The following NFKBID variants were observed in gnomAD, a reference collection of about 807,000 sequenced individuals.
The protein encoded by NFKBID is NF-kappa-B inhibitor delta.
Under a neutral mutation model 53.4 loss-of-function variants are expected in NFKBID, and 26 were observed. The ratio of observed to expected loss-of-function variants is 0.49; its 90% CI spans 0.36 to 0.68. NFKBID has a LOEUF of 0.68. Ranked by LOEUF, NFKBID falls within the 30% of genes least tolerant of loss-of-function variation. The pLI is 0.00. For synonymous variants in NFKBID, 262 were observed against 259.8 expected, an observed-to-expected ratio of 1.01 and a Z score of -0.08; for missense variants, 493 against 614.1, an observed-to-expected ratio of 0.80 and a Z score of 2.08.
intron 9 of NFKBID, 56 bp downstream of exon 9, chr19:35,895,924 A>T: frequency 1.3e-6 from 2 of 1,551,186 alleles, no homozygotes; most frequent in Non-Finnish European, 1.8e-6. Context: ...CCGGACATCC[A>T]AGTGGCCCCA....
intron 1 of NFKBID, 111 bp downstream of exon 1, chr19:35,900,331 C>T: frequency 1.2e-6 from 1 of 852,900 alleles, no homozygotes; most frequent in Non-Finnish European, 1.6e-6. Context: ...CCCTCACTCT[C>T]GGGATAAAGG....
chr19:35,889,313 G>GCC (rs1327209840), intron 11 of NFKBID, among the ~76,000 whole-genome samples: 2 of 150,102 alleles, frequency 1.3e-5, no homozygotes, highest in African/African-American at 4.9e-5. Flanking sequence ...CTATGATCAT[G>GCC]CCACTGCACT....
intron 3 of NFKBID, 96 bp downstream of exon 3, chr19:35,898,376 G>A: frequency 4.0e-6 from 3 of 756,264 alleles, no homozygotes; most frequent in Non-Finnish European, 2.2e-6. Flanking sequence ...GGAAGAATGA[G>A]GGCCTGACTC....
At chr19:35,893,818 C>CAA (rs879299060) in intron 9 of NFKBID, among the ~76,000 whole-genome samples, 4 of 86,502 alleles carry the variant, frequency 4.6e-5, no homozygotes, top group East Asian at 3.3e-4. Flanking sequence ...AGAGCCATCT[C>CAA]AAAAAAAAAA....
At chr19:35,902,194 T>C (rs1290099458), upstream of NFKBID, 2 of 703,028 alleles carry the variant, frequency 2.8e-6, no homozygotes, top group East Asian at 2.7e-5. Flanking sequence ...CTTCCCTACC[T>C]TTCATCTCTG....
intron 9 of NFKBID, among the ~76,000 whole-genome samples, chr19:35,890,956 ACAC>A (rs1568485991): frequency 1.3e-5 from 2 of 152,130 alleles, no homozygotes; most frequent in South Asian, 2.1e-4. Context: ...GCACCGCACA[ACAC>A]CACGTCTCAG....
chr19:35,897,159 G>A (rs1975234701), intron 4 of NFKBID, 101 bp from the exon 5 acceptor site: 2 of 1,244,600 alleles, frequency 1.6e-6, no homozygotes, highest in African/African-American at 3.0e-5. Context: ...TCCATCCCAA[G>A]CCACCACACA....
At chr19:35,892,673 C>T (rs1974857091) in intron 9 of NFKBID, among the ~76,000 whole-genome samples, 1 of 152,048 alleles carries the variant, frequency 6.6e-6, no homozygotes, top group Non-Finnish European at 1.5e-5. Flanking sequence ...ATGTAATTTC[C>T]TCAGAATGAC....
chr19:35,900,297 C>T lies in NFKBID; in HGVS notation c.61+145G>A, dbSNP rs534333660. ...CGCCCCTCTGTCACGATCCACGATC[C>T]CCTCCTCCTCCAAACACCTAGGGCC... is the stretch of plus-strand genomic sequence containing the variant. On this transcript the variant is annotated intron_variant, in intron 1 of 11. Transcript: ENST00000641389. 1.3e-5 allele frequency: 8 copies of T among 614,254 alleles called. No homozygotes were observed. In the South Asian group the frequency reaches 5.1e-4, roughly 39 times the overall value. The allele number at this position is 614,254 out of a possible 1,614,324, so 38.1% of individuals were successfully genotyped here.
rs373426608 is a variant in NFKBID, at chr19:35,896,869, C to T, written c.579-38G>A. On this transcript the variant is annotated intron_variant, in intron 5 of 11. Transcript: ENST00000641389. The surrounding 1 kb of genome is among the most constrained non-coding windows in gnomAD (Gnocchi z 5.7). ...GGGGGACAGCCGTGAGAACAGCCCC[C>T]ACCAAGCCAAGAGTCTGCAGACAAC... is the stretch of plus-strand genomic sequence containing the variant. The T allele has an allele frequency of 6.2e-7, 1 of 1,613,892 alleles. No homozygotes were observed. The highest frequency in any genetic ancestry group is 8.5e-7 in the Non-Finnish European group (1 of 1,179,794).
intron 9 of NFKBID, among the ~76,000 whole-genome samples, chr19:35,891,914 G>A (rs1456226367): frequency 5.9e-5 from 9 of 151,858 alleles, no homozygotes; most frequent in African/African-American, 1.9e-4. Context: ...ACAGGGTCTC[G>A]CTCTGTTGCC....
intron 9 of NFKBID, among the ~76,000 whole-genome samples, chr19:35,891,620 G>C (rs1974769253): frequency 6.6e-6 from 1 of 152,126 alleles, no homozygotes; most frequent in South Asian, 2.1e-4. Flanking sequence ...TGTAATCCCA[G>C]CACTTTGGGA....
At chr19:35,892,217 A>G (rs1454463277) in intron 9 of NFKBID, among the ~76,000 whole-genome samples, 3 of 150,732 alleles carry the variant, frequency 2.0e-5, no homozygotes, top group Non-Finnish European at 4.4e-5. Flanking sequence ...AAGCCCAGCT[A>G]ATTTTTGTAT....
intron 2 of NFKBID, 37 bp from the exon 3 acceptor site, chr19:35,898,569 T>G (rs1975352594): frequency 1.3e-6 from 2 of 1,492,192 alleles, no homozygotes; most frequent in African/African-American, 1.4e-5. Flanking sequence ...CCAGGTGACT[T>G]TATCTGGCAG....
Position 35,896,470 on chromosome 19 carries a change from T to C in NFKBID, c.753A>G (p.Ala251=), listed in dbSNP as rs775422056. 2 of 1,614,184 alleles carry C rather than the reference T, an allele frequency of 1.2e-6. No individual in the cohort carries two copies. The highest frequency in any genetic ancestry group is 3.3e-5 in the Admixed American group (2 of 60,016). ...CCTGATGGTCAGCGGCATTGGGCTC[T>C]GCTCCCAGGTTCAACAGATCCTCCA... The change falls in exon 7 of 12, where the codon GCA becomes GCG. Residue 251 remains alanine (A), a synonymous_variant. Transcript: ENST00000641389. This position sits in a 1 kb window ranked among gnomAD's most constrained non-coding sequence, Gnocchi z 5.7.
Position 35,890,869 on chromosome 19 carries a change from T to TA in NFKBID, c.1033-380dup, listed in dbSNP as rs1568485890. 1.9e-3 allele frequency among the ~76,000 whole-genome samples: 293 copies of TA among 151,248 alleles called. 1 individual carries two copies. The highest frequency in any genetic ancestry group is 6.8e-3 in the African/African-American group (277 of 40,794). On this transcript the variant is annotated intron_variant, in intron 9 of 11. Coordinates refer to ENST00000641389, the Ensembl canonical transcript of NFKBID. The stretch of plus-strand genomic sequence containing the variant: ...ACAGAGTGACACTCTATCTCAAAAT[T>TA]AATAAATAAATAAATAAGATGCTGG...
At chr19:35,898,719 C>T in exon 2 of NFKBID, 1 of 1,535,776 alleles carries the variant, frequency 6.5e-7, no homozygotes. Context: ...CTGGCCTCAC[C>T]TGCACCCCGC....
At chr19:35,889,166 C>T (rs1391061492) in intron 11 of NFKBID, among the ~76,000 whole-genome samples, 4 of 147,384 alleles carry the variant, frequency 2.7e-5, no homozygotes, top group East Asian at 2.0e-4. Flanking sequence ...ACCTGGACAA[C>T]ATAGTGTGAC....
Position 35,897,218 on chromosome 19 carries a change from T to C in NFKBID, c.433-160A>G, listed in dbSNP as rs532288779. On this transcript the variant is annotated intron_variant, in intron 4 of 11. Transcript: ENST00000641389. ...GGTATCCCATCTATGCCAAGTGACC[T>C]TGGACCTTTAGGCCTCAGTTTTGCC... 24 of 734,766 alleles carry C rather than the reference T, an allele frequency of 3.3e-5. No homozygotes were observed. The East Asian group carries it at 4.2e-4, about 13-fold the overall frequency. 45.5% of individuals were successfully genotyped at this position (734,766 alleles called of 1,614,324 possible).
Sources: allele counts gnomAD v4.1 joint callset (sites outside exome capture counted in the v4.1 genomes callset), GRCh38; gene constraint gnomAD v4.1.1; non-coding constraint Gnocchi (gnomAD v3.1); transcripts MANE v1.5; gene names NCBI Gene and HGNC (gene_info 2026-07-23, HGNC 2026-07-21).